Variants in THTPA observed in about 807,000 individuals in gnomAD.
THTPA encodes thiamine-triphosphatase.
Under a neutral mutation model 16.5 loss-of-function variants are expected in THTPA, and 16 were observed. The ratio of observed to expected loss-of-function variants is 0.97; its 90% CI spans 0.66 to 1.47. The LOEUF is 1.47. THTPA is among the 40% of genes most tolerant of loss of function. The pLI is 0.00. For synonymous variants in THTPA, 110 were observed against 115.5 expected, an observed-to-expected ratio of 0.95 and a Z score of 0.30; for missense variants, 281 against 280.9, an observed-to-expected ratio of 1.00 and a Z score of 0.00.
chr14:23,559,847 G>C lies in THTPA; in HGVS notation c.*1007G>C, dbSNP rs1470336551. ...GTGAGGCGCAGCTTTAGCCGCAGGG[G>C]GGCCTAGGAATAGGAGAGCAGGGAC... On this transcript the variant is annotated 3_prime_UTR_variant, in exon 2 of 2. Transcript: ENST00000288014. The C allele has an allele frequency of 6.2e-7, 1 of 1,613,948 alleles. No homozygotes were observed. Among genetic ancestry groups the C allele is most frequent in the African/African-American group, 1.3e-5 (1 of 74,910 alleles).
At chr14:23,548,254 C>T in the THTPA span, 1 of 152,224 alleles carries the variant, frequency 6.6e-6, no homozygotes, top group Non-Finnish European at 1.5e-5. Context: ...TCTTAGGTTC[C>T]TTCCTCTTGC....
chr14:23,537,015 C>T, the THTPA span, among the ~76,000 whole-genome samples: 1 of 152,062 alleles, frequency 6.6e-6, no homozygotes, highest in African/African-American at 2.4e-5. Context: ...TGGTGCATGC[C>T]TGTAATCCCA....
At chr14:23,535,882 G>A in the THTPA span, among the ~76,000 whole-genome samples, 6 of 152,114 alleles carry the variant, frequency 3.9e-5, no homozygotes, top group Admixed American at 3.3e-4. This position sits in a 1 kb window ranked among gnomAD's most constrained non-coding sequence, Gnocchi z 4.5. Context: ...GTGAGCCACC[G>A]CGCCCAGCCT....
At chr14:23,512,143 A>G in the THTPA span, among the ~76,000 whole-genome samples, 649 of 152,178 alleles carry the variant, frequency 4.3e-3, 4 homozygotes, top group African/African-American at 0.015. Context: ...GATTTAATTA[A>G]TTCAGTAGCT....
chr14:23,556,505 C>T lies in THTPA; in HGVS notation c.-253C>T, dbSNP rs1359289591. ...TCTAGGGGTCTCTTTGGATTGAGGA[C>T]ATCAGCAGCAGTGGAAGGGATTTTA... On this transcript the variant is annotated 5_prime_UTR_variant, in exon 1 of 2. Transcript: ENST00000288014. The T allele has an allele frequency of 3.8e-6, 2 of 532,504 alleles. No individual in the cohort carries two copies. Among genetic ancestry groups the T allele is most frequent in the Admixed American group, 6.7e-5 (2 of 29,970 alleles). 33.0% of individuals were successfully genotyped at this position (532,504 alleles called of 1,614,324 possible).
chr14:23,535,120 G>A, the THTPA span: 4 of 1,536,078 alleles, frequency 2.6e-6, no homozygotes, highest in Non-Finnish European at 2.6e-6. This position sits in a 1 kb window ranked among gnomAD's most constrained non-coding sequence, Gnocchi z 4.5. Context: ...CTCCTTTGGT[G>A]GGACGAGGCC....
At chr14:23,530,608 A>G in the THTPA span, 2 of 376,918 alleles carry the variant, frequency 5.3e-6, no homozygotes, top group Non-Finnish European at 1.0e-5. Context: ...TGGCAGGTCT[A>G]GCTGGAAGAG....
At chr14:23,540,023 G>A in the THTPA span, among the ~76,000 whole-genome samples, 44 of 152,168 alleles carry the variant, frequency 2.9e-4, no homozygotes, top group East Asian at 7.0e-3. Context: ...GGTCTCGCTC[G>A]GTCTCCCAGG....
chr14:23,560,185 C>G lies in THTPA; in HGVS notation c.*1345C>G. The G allele has an allele frequency of 6.4e-7, 1 of 1,569,944 alleles. No homozygotes were observed. The highest frequency in any genetic ancestry group is 1.7e-5 in the Admixed American group (1 of 58,442). ...ATCCCATCTCACACTGTCTCCCACC[C>G]ACCTCCTCCACTTAGTGGCCTTTTC... On this transcript the variant is annotated 3_prime_UTR_variant, in exon 2 of 2. Transcript: ENST00000288014.
At chr14:23,530,064 G>T in the THTPA span, 29 of 1,439,204 alleles carry the variant, frequency 2.0e-5, no homozygotes, top group Admixed American at 5.5e-4. Context: ...TTACTGCAAG[G>T]TCCCGTGAGC....
rs1345415593 is a variant in THTPA at position 23,558,827 on chromosome 14, A to T, written c.680A>T (p.His227Leu). 6.2e-7 allele frequency: 1 copy of T among 1,614,048 alleles called. No individual in the cohort carries two copies. Among genetic ancestry groups the T allele is most frequent in the African/African-American group, 1.3e-5 (1 of 74,936 alleles). ...ERPQETEDPD[H>L]CLG ...CCACAGGAGACTGAAGATCCTGACC[A>T]CTGCCTGGGCTAGGGGTGTCACTTC... The change falls in exon 2 of 2, where the codon CAC becomes CTC. Residue 227 changes from histidine to leucine, a missense_variant. Coordinates refer to ENST00000288014, the MANE Select transcript of THTPA (RefSeq NM_024328.6).
chr14:23,530,479 ACT>A, the THTPA span: 7 of 616,802 alleles, frequency 1.1e-5, no homozygotes, highest in Middle Eastern at 2.5e-4. Flanking sequence ...ACAAGACCAA[ACT>A]CAGCTCCCTG....
the THTPA span, among the ~76,000 whole-genome samples, chr14:23,527,189 C>A: frequency 9.4e-3 from 1,433 of 152,240 alleles, 27 homozygotes; most frequent in African/African-American, 0.033. Context: ...TTCCCCAAAC[C>A]AGAAGTCATC....
At chr14:23,538,147 C>A in the THTPA span, 1 of 152,220 alleles carries the variant, frequency 6.6e-6, no homozygotes, top group South Asian at 2.1e-4. Flanking sequence ...TAGCTAGAAA[C>A]CAAAGGAGCT....
chr14:23,559,781 C>T lies in THTPA; in HGVS notation c.*941C>T. On this transcript the variant is annotated 3_prime_UTR_variant, in exon 2 of 2. Coordinates refer to ENST00000288014, the MANE Select transcript of THTPA (RefSeq NM_024328.6). ...CACGATTCCACAGGCAAGTTGTTCACCTCAAAGATCTCCTGCACCGACTGG... is the reference window on the plus strand; with the variant it reads ...CACGATTCCACAGGCAAGTTGTTCATCTCAAAGATCTCCTGCACCGACTGG... The T allele has an allele frequency of 1.2e-6, 2 of 1,614,126 alleles. No individual in the cohort carries two copies. The highest frequency in any genetic ancestry group is 2.2e-5 in the East Asian group (1 of 44,886).
chr14:23,542,977 G>C, the THTPA span: 2 of 151,930 alleles, frequency 1.3e-5, no homozygotes, highest in Admixed American at 1.3e-4. Context: ...TACCTGACCC[G>C]CCCACCTTGG....
At chr14:23,524,892 CAA>C in the THTPA span, 1 of 1,536,390 alleles carries the variant, frequency 6.5e-7, no homozygotes, top group Non-Finnish European at 8.7e-7. This position sits in a 1 kb window ranked among gnomAD's most constrained non-coding sequence, Gnocchi z 5.6. Flanking sequence ...CGCACCAACT[CAA>C]AAACACAGGA....
Position 23,556,455 on chromosome 14 carries a change from AGG to A in THTPA, c.-302_-301del. ...AAGGTGTAGAGAGGGGGGCGTTGAA[AGG>A]ACACCCGCTACCCGGCCTGCTTTCT... On this transcript the variant is annotated 5_prime_UTR_variant, in exon 1 of 2. Transcript: ENST00000288014. 24 of 356,366 alleles carry A rather than the reference AGG, an allele frequency of 6.7e-5. No homozygotes were observed. The highest frequency in any genetic ancestry group is 4.1e-4 in the South Asian group (9 of 21,836). 22.1% of individuals were successfully genotyped at this position (356,366 alleles called of 1,614,324 possible).
At chr14:23,538,107 C>T in the THTPA span, 1 of 152,254 alleles carries the variant, frequency 6.6e-6, no homozygotes, top group African/African-American at 2.4e-5. Context: ...CATCTATTTC[C>T]TAGAACTGGA....
Sources: gnomAD v4.1 joint callset for allele counts (sites outside exome capture counted in the v4.1 genomes callset) on GRCh38, gnomAD v4.1.1 for gene constraint, Gnocchi (gnomAD v3.1) non-coding constraint, MANE v1.5 for transcripts, NCBI Gene and HGNC (gene_info 2026-07-23, HGNC 2026-07-21) for gene names.